Variants in ATP12A observed in about 807,000 individuals in gnomAD.
ATP12A encodes the protein ATPase H+/K+ transporting non-gastric alpha2 subunit, also known as potassium-transporting ATPase alpha chain 2.
A neutral mutation model predicts 111.2 loss-of-function variants in ATP12A; 81 were observed. The observed-to-expected ratio is 0.73, with a 90% confidence interval of 0.61 to 0.88. ATP12A has a LOEUF of 0.88. Among genes scored for constraint, ATP12A ranks in the 40% least tolerant of loss-of-function variants. The pLI, the probability that ATP12A is intolerant of heterozygous loss-of-function variation, is 0.00. For missense variants in ATP12A, 1,196 were observed against 1,313.1 expected, an observed-to-expected ratio of 0.91 and a Z score of 1.38; for synonymous variants, 498 against 499.8, an observed-to-expected ratio of 1.00 and a Z score of 0.05.
At chr13:24,698,899 G>A (rs376396576) in intron 12 of ATP12A, 49 bp downstream of exon 12, 1 of 1,595,982 alleles carries the variant, frequency 6.3e-7, no homozygotes, top group Non-Finnish European at 8.5e-7. Flanking sequence ...GCACAGAGAT[G>A]AGGCAGGCGC....
chr13:24,682,613 A>C (rs796467602), intron 2 of ATP12A, among the ~76,000 whole-genome samples: 11 of 152,300 alleles, frequency 7.2e-5, no homozygotes, highest in African/African-American at 2.6e-4. Flanking sequence ...TTGATTAGTA[A>C]AACTATTTGA....
At chr13:24,699,123 G>C (rs774480846) in intron 12 of ATP12A, among the ~76,000 whole-genome samples, 22 of 152,130 alleles carry the variant, frequency 1.4e-4, no homozygotes, top group Non-Finnish European at 2.9e-4. Context: ...GGGGAGATAG[G>C]GGAAAGTATC....
intron 15 of ATP12A, 40 bp from the exon 16 acceptor site, chr13:24,706,983 C>G: frequency 1.9e-6 from 3 of 1,555,098 alleles, no homozygotes; most frequent in Non-Finnish European, 2.6e-6. Context: ...ACCCACTGGG[C>G]CTGCTCACTC....
intron 11 of ATP12A, among the ~76,000 whole-genome samples, chr13:24,695,340 C>T (rs937590697): frequency 6.6e-6 from 1 of 152,110 alleles, no homozygotes; most frequent in Admixed American, 6.5e-5. Flanking sequence ...AGAAGACGGC[C>T]TTCCTTGCCT....
At chr13:24,689,927 C>T (rs11619874) in intron 5 of ATP12A, among the ~76,000 whole-genome samples, 4,224 of 152,210 alleles carry the variant, frequency 0.028, 84 homozygotes, top group Middle Eastern at 0.071. Context: ...AGATTATCAG[C>T]CTCCCCAGCC....
chr13:24,695,845 G>A (rs903498463), intron 11 of ATP12A, among the ~76,000 whole-genome samples: 1 of 152,062 alleles, frequency 6.6e-6, no homozygotes, highest in African/African-American at 2.4e-5. Context: ...CTGACCTCCG[G>A]TGATCTATCC....
intron 17 of ATP12A, 102 bp from the exon 18 acceptor site, chr13:24,709,262 C>G (rs1420756277): frequency 8.3e-6 from 4 of 482,576 alleles, no homozygotes; most frequent in East Asian, 4.5e-5. Context: ...CCATGCCCCC[C>G]ACCCCATCCA....
Position 24,707,421 on chromosome 13 carries a change from G to A in ATP12A, c.2481G>A (p.Leu827=). The A allele has an allele frequency of 6.2e-7, 1 of 1,614,174 alleles. No homozygotes were observed. Among genetic ancestry groups the A allele is most frequent in the Non-Finnish European group, 8.5e-7 (1 of 1,180,038 alleles). Reference sequence around the variant, plus strand: ...CCATCACCATTCTGTTCATTGACTTGGGGACAGACATTGTAAGTGACACTG... The same window carrying A: ...CCATCACCATTCTGTTCATTGACTTAGGGACAGACATTGTAAGTGACACTG... ...IGTITILFID[L]GTDIIPSIAL... is the part of the protein sequence containing the mutation. The change falls in exon 17 of 23, where the codon TTG becomes TTA. Residue 827 remains leucine, a synonymous_variant. Coordinates refer to ENST00000381946, the MANE Select transcript of ATP12A (RefSeq NM_001676.7).
chr13:24,683,646 G>C (rs915990472), intron 2 of ATP12A, among the ~76,000 whole-genome samples: 1 of 152,112 alleles, frequency 6.6e-6, no homozygotes, highest in Non-Finnish European at 1.5e-5. Flanking sequence ...CCTGAAACTG[G>C]ACTGACCTCA....
chr13:24,681,886 G>A (rs539602886), intron 2 of ATP12A, among the ~76,000 whole-genome samples, 166 bp downstream of exon 2: 1 of 150,600 alleles, frequency 6.6e-6, no homozygotes, highest in Non-Finnish European at 1.5e-5. Flanking sequence ...TGTGGTGTGT[G>A]TGTGTGGTGT....
In ATP12A at chr13:24,692,849, A is replaced by G. The variant is rs776660323; in HGVS notation, c.1330A>G (p.Asn444Asp). 6.2e-7 allele frequency: 1 copy of G among 1,614,212 alleles called. No individual in the cohort carries two copies. Residue 444 changes from asparagine to aspartate, a missense_variant, in exon 10 of 23, where the codon AAC (asparagine) becomes GAC (aspartate). Asn to Asp is a conservative substitution (Grantham distance 23). Coordinates refer to ENST00000381946, the MANE Select transcript of ATP12A (RefSeq NM_001676.7). ...ASLSKIITLC[N>D]RAEFKPGQEN... ...CTTATCCAAGATAATAACATTGTGT[A>G]ACCGAGCAGAGTTCAAGCCAGGACA...
chr13:24,709,956 C>T, intron 19 of ATP12A, 128 bp downstream of exon 19: 6 of 1,374,444 alleles, frequency 4.4e-6, no homozygotes, highest in South Asian at 1.4e-5. Context: ...GGGCTCAGGG[C>T]CCCCTTGCTG....
Position 24,706,374 on chromosome 13 carries a change from G to A in ATP12A, c.2080G>A (p.Asp694Asn), listed in dbSNP as rs960685413. The A allele has an allele frequency of 1.2e-6, 2 of 1,614,232 alleles. No homozygotes were observed. Among genetic ancestry groups the A allele is most frequent in the Non-Finnish European group, 1.7e-6 (2 of 1,180,042 alleles). Residue 694 changes from aspartate (D) to asparagine (N), a missense_variant, in exon 15 of 23, where the codon GAT becomes AAT. This residue lies in a region of ATP12A where 1,126 missense variants were observed against 1,228.5 expected (regional missense o/e 0.92). Transcript: ENST00000381946. ...ELKDMSSEQL[D>N]EILANYQEIV... ...GAAGGACATGAGCTCAGAACAGCTG[G>A]ATGAGATCTTAGCCAACTACCAGGA...
chr13:24,705,682 G>T (rs951908168), intron 14 of ATP12A, among the ~76,000 whole-genome samples: 1 of 152,002 alleles, frequency 6.6e-6, no homozygotes, highest in Admixed American at 6.6e-5. Flanking sequence ...TTTTATTTTT[G>T]TTTTTGAGAC....
chr13:24,711,191 A>C, intron 21 of ATP12A, 127 bp from the exon 22 acceptor site: 1 of 896,432 alleles, frequency 1.1e-6, no homozygotes, highest in Non-Finnish European at 1.7e-6. Flanking sequence ...ATTTTGTGGG[A>C]CCTCGTGGAT....
rs370442935 is a variant in ATP12A, at chr13:24,698,660, C to G, written c.1515C>G (p.Leu505=). ...ACGCTCAGTTCATTCCTTCCCAGCTCTCCATCCACGAGATGGATGACCCCC... is the reference window on the plus strand; with the variant it reads ...ACGCTCAGTTCATTCCTTCCCAGCTGTCCATCCACGAGATGGATGACCCCC... The part of the protein sequence containing the change: ...IPFNSTNKFQ[L]SIHEMDDPHG... The change falls in exon 12 of 23, where the codon CTC becomes CTG. Residue 505 remains leucine, a splice_region_variant and synonymous_variant. Transcript: ENST00000381946. 6.8e-6 allele frequency: 11 copies of G among 1,613,148 alleles called. No individual in the cohort carries two copies. The African/African-American group carries it at 1.1e-4, about 16-fold the overall frequency.
intron 14 of ATP12A, among the ~76,000 whole-genome samples, chr13:24,702,485 C>A (rs932419151): frequency 5.3e-5 from 8 of 152,186 alleles, no homozygotes; most frequent in African/African-American, 1.9e-4. Flanking sequence ...GGGTATTTAT[C>A]CACCCGGTTT....
intron 11 of ATP12A, among the ~76,000 whole-genome samples, 200 bp from the exon 12 acceptor site, chr13:24,698,458 C>T (rs1413313944): frequency 1.3e-5 from 2 of 152,114 alleles, no homozygotes; most frequent in Admixed American, 6.5e-5. Flanking sequence ...ATGAGCTCCA[C>T]TTATCCAGAG....
intron 6 of ATP12A, 34 bp downstream of exon 6, chr13:24,690,506 T>C (rs111714785): frequency 3.7e-6 from 6 of 1,611,300 alleles, no homozygotes; most frequent in Non-Finnish European, 5.1e-6. Flanking sequence ...CCAAGGACCA[T>C]GTTCCAAACC....
Sources: allele counts gnomAD v4.1 joint callset (sites outside exome capture counted in the v4.1 genomes callset), GRCh38; gene constraint gnomAD v4.1.1; regional missense constraint gnomAD v4.1.1; transcripts MANE v1.5; gene names NCBI Gene and HGNC (gene_info 2026-07-23, HGNC 2026-07-21).